The following ROBO2 variants were observed in gnomAD, a reference collection of about 807,000 sequenced individuals.
The protein encoded by ROBO2 is roundabout homolog 2.
Under a neutral mutation model 160.8 loss-of-function variants are expected in ROBO2, and 53 were observed. The ratio of observed to expected loss-of-function variants is 0.33; its 90% CI spans 0.26 to 0.41. The LOEUF (loss-of-function observed/expected upper bound fraction) is 0.41, where lower values mean the gene tolerates loss of function less well. Ranked by LOEUF, ROBO2 falls within the 10% of genes least tolerant of loss-of-function variation. The pLI, the probability that ROBO2 is intolerant of heterozygous loss-of-function variation, is 1.00. For synonymous variants in ROBO2, 664 were observed against 611.7 expected (o/e 1.09, Z -1.26); for missense variants, 1,577 against 1,722.4 (o/e 0.92, Z 1.49).
intron 1 of ROBO2, among the ~76,000 whole-genome samples, chr3:77,058,443 C>G (rs1045070087): frequency 1.3e-5 from 2 of 152,080 alleles, no homozygotes; most frequent in African/African-American, 2.4e-5. Flanking sequence ...TAATAAAGAT[C>G]TCAAGTGATA....
In ROBO2 at chr3:77,155,256, G is replaced by A. The variant is rs561068104; in HGVS notation, c.388+56916G>A. On this transcript the variant is annotated intron_variant, in intron 2 of 25. Transcript: ENST00000461745. Reference sequence around the variant, plus strand: ...TTCATAGCAAGGGGGAATTAAATTAGCAGATGGAATTAAAGTTGCTCATCA... The same window carrying A: ...TTCATAGCAAGGGGGAATTAAATTAACAGATGGAATTAAAGTTGCTCATCA... 3.3e-5 allele frequency among the ~76,000 whole-genome samples: 5 copies of A among 152,042 alleles called. No homozygotes were observed. In the South Asian group the frequency reaches 6.2e-4, roughly 19 times the overall value.
At chr3:76,431,984 G>A (rs569790835) in intron 2 of ROBO2, among the ~76,000 whole-genome samples, 1 of 152,280 alleles carries the variant, frequency 6.6e-6, no homozygotes, top group African/African-American at 2.4e-5. Flanking sequence ...AGGTGTTAGA[G>A]GCTGTTGCTT....
chr3:77,422,109 G>A (rs2077766133), intron 2 of ROBO2, among the ~76,000 whole-genome samples: 1 of 152,084 alleles, frequency 6.6e-6, no homozygotes, highest in African/African-American at 2.4e-5. Flanking sequence ...CGCCAACATC[G>A]GCAGATTAGT....
intron 1 of ROBO2, among the ~76,000 whole-genome samples, chr3:75,914,833 A>G (rs1389264304): frequency 2.6e-5 from 4 of 152,194 alleles, no homozygotes; most frequent in African/African-American, 9.6e-5. Context: ...TCCTCCAGCC[A>G]TGCTATTCCT....
In ROBO2 at chr3:76,560,402, A is replaced by ATAT. The variant is rs572781098; in HGVS notation, c.110-537608_110-537606dup. ...CTATAATTTGAAAAAGAGCTATCAA[A>ATAT]TATTATCTTAATTATGTTTCTAAAT... On this transcript the variant is annotated intron_variant, in intron 2 of 26. Coordinates refer to the ROBO2 transcript ENST00000487694. Among the ~76,000 whole-genome samples, 8 of 152,188 alleles carry ATAT rather than the reference A, an allele frequency of 5.3e-5. No homozygotes were observed. The East Asian group carries it at 1.5e-3, about 29-fold the overall frequency.
chr3:76,303,112 CAG>C (rs2071153553), intron 2 of ROBO2, among the ~76,000 whole-genome samples: 1 of 151,892 alleles, frequency 6.6e-6, no homozygotes, highest in South Asian at 2.1e-4. Context: ...GAAAATATCT[CAG>C]ATGAAAAAAA....
chr3:76,907,460 A>G (rs1306073851), intron 2 of ROBO2, among the ~76,000 whole-genome samples: 2 of 152,040 alleles, frequency 1.3e-5, no homozygotes, highest in Non-Finnish European at 2.9e-5. Context: ...GGATGGCTGT[A>G]TTTTTTATTT....
intron 2 of ROBO2, among the ~76,000 whole-genome samples, chr3:76,986,953 TA>T (rs2060413166): frequency 6.6e-6 from 1 of 152,120 alleles, no homozygotes; most frequent in Non-Finnish European, 1.5e-5. Flanking sequence ...CCACACTAAC[TA>T]AAATGAACGT....
intron 2 of ROBO2, among the ~76,000 whole-genome samples, chr3:77,132,401 A>C (rs1320152006): frequency 6.6e-6 from 1 of 151,964 alleles, no homozygotes; most frequent in East Asian, 1.9e-4. Flanking sequence ...TTTTGGTGTA[A>C]TATGTCAATT....
chr3:77,119,831 C>T (rs563347872), intron 2 of ROBO2, among the ~76,000 whole-genome samples: 4 of 152,226 alleles, frequency 2.6e-5, no homozygotes, highest in South Asian at 2.1e-4. Flanking sequence ...GAATTCACAT[C>T]GACATGTAAT....
chr3:77,428,030 T>C (rs1243692723), intron 2 of ROBO2, among the ~76,000 whole-genome samples: 1 of 151,996 alleles, frequency 6.6e-6, no homozygotes, highest in Non-Finnish European at 1.5e-5. Flanking sequence ...AGCTGTGATA[T>C]CTCATTCCAG....
At chr3:76,932,714 T>C (rs2077428014) in intron 2 of ROBO2, among the ~76,000 whole-genome samples, 1 of 152,214 alleles carries the variant, frequency 6.6e-6, no homozygotes, top group African/African-American at 2.4e-5. Context: ...TAAAAGTCAG[T>C]ACTTATATGT....
intron 2 of ROBO2, among the ~76,000 whole-genome samples, chr3:76,377,992 C>G (rs1000732864): frequency 2.6e-5 from 4 of 152,114 alleles, no homozygotes; most frequent in African/African-American, 9.7e-5. Flanking sequence ...TAACATCACC[C>G]TCTGCCACTC....
chr3:76,459,724 A>T (rs2077979694), intron 2 of ROBO2, among the ~76,000 whole-genome samples: 1 of 152,172 alleles, frequency 6.6e-6, no homozygotes, highest in Non-Finnish European at 1.5e-5. Context: ...TGCCAACATT[A>T]TTGGAATTCA....
intron 2 of ROBO2, among the ~76,000 whole-genome samples, chr3:77,100,937 G>A (rs1296142925): frequency 2.6e-5 from 4 of 152,278 alleles, no homozygotes; most frequent in East Asian, 3.9e-4. Flanking sequence ...AGACCATCCA[G>A]GTAGAAAGAA....
intron 2 of ROBO2, among the ~76,000 whole-genome samples, chr3:76,467,409 A>C (rs1294846942): frequency 6.6e-6 from 1 of 152,172 alleles, no homozygotes; most frequent in Non-Finnish European, 1.5e-5. Context: ...TAACATGTGA[A>C]GTAATAAAAT....
intron 2 of ROBO2, among the ~76,000 whole-genome samples, chr3:77,188,577 A>G (rs1291858781): frequency 1.3e-5 from 2 of 151,904 alleles, no homozygotes; most frequent in Non-Finnish European, 2.9e-5. Context: ...CGTTTAAGGC[A>G]GAAAAAGTGC....
At chr3:77,128,911 C>T (rs1939734087) in intron 2 of ROBO2, among the ~76,000 whole-genome samples, 1 of 152,096 alleles carries the variant, frequency 6.6e-6, no homozygotes, top group South Asian at 2.1e-4. Context: ...CAGGCTTACT[C>T]ATTTCTTTTC....
At chr3:76,051,530 T>C (rs952447082) in intron 2 of ROBO2, among the ~76,000 whole-genome samples, 7 of 152,166 alleles carry the variant, frequency 4.6e-5, no homozygotes, top group Non-Finnish European at 1.0e-4. Flanking sequence ...GCGTGAATTA[T>C]TTTTTGTGGC....
Sources: gnomAD v4.1 joint callset for allele counts (sites outside exome capture counted in the v4.1 genomes callset) on GRCh38, gnomAD v4.1.1 for gene constraint, MANE v1.5 for transcripts, NCBI Gene and HGNC (gene_info 2026-07-23, HGNC 2026-07-21) for gene names.